The following CNKSR3 variants were observed in gnomAD, a reference collection of about 807,000 sequenced individuals.
CNKSR3 encodes connector enhancer of kinase suppressor of ras 3.
CNKSR3 carries 36 observed loss-of-function variants against 67.7 expected under a neutral mutation model. That is an observed-to-expected ratio of 0.53 (90% CI 0.41 to 0.70). CNKSR3 has a LOEUF of 0.70. Among genes scored for constraint, CNKSR3 ranks in the 30% least tolerant of loss-of-function variants. CNKSR3 has a pLI of 0.00. For missense variants in CNKSR3, 630 were observed against 695.2 expected, an observed-to-expected ratio of 0.91 and a Z score of 1.05; for synonymous variants, 281 against 271.4, an observed-to-expected ratio of 1.04 and a Z score of -0.35.
intron 1 of CNKSR3, among the ~76,000 whole-genome samples, chr6:154,500,287 A>ACACACACACACACT: frequency 6.6e-6 from 1 of 151,476 alleles, no homozygotes; most frequent in South Asian, 2.1e-4. Context: ...ACACACACAC[A>ACACACACACACACT]CATCCACTCC....
intron 1 of CNKSR3, among the ~76,000 whole-genome samples, chr6:154,506,398 T>C (rs951459001): frequency 2.0e-5 from 3 of 152,176 alleles, no homozygotes; most frequent in Non-Finnish European, 4.4e-5. Flanking sequence ...GCAACCAGCC[T>C]TCCCTGCTGC....
rs1354058003 is a variant in CNKSR3, at chr6:154,428,127, C to T, written c.729+1G>A. 2 of 1,593,452 alleles carry T rather than the reference C, an allele frequency of 1.3e-6. No individual in the cohort carries two copies. Among genetic ancestry groups the T allele is most frequent in the Non-Finnish European group, 1.7e-6 (2 of 1,161,372 alleles). On this transcript the variant is annotated splice_donor_variant, in intron 7 of 12. Coordinates refer to ENST00000607772, the MANE Select transcript of CNKSR3 (RefSeq NM_173515.4). LOFTEE classifies it high-confidence loss of function. The stretch of plus-strand genomic sequence containing the variant: ...TTTACACTTAATGAATATACACTTA[C>T]ATTTTCTGTGGTTCCAGTAATCACG...
chr6:154,457,858 C>T (rs571447879), intron 1 of CNKSR3, among the ~76,000 whole-genome samples: 75 of 152,302 alleles, frequency 4.9e-4, no homozygotes, highest in African/African-American at 1.7e-3. Context: ...CTTTGGGACC[C>T]GTCCTCTTCC....
At chr6:154,450,363 T>C in intron 1 of CNKSR3, 105 bp from the exon 2 acceptor site, 1 of 1,151,166 alleles carries the variant, frequency 8.7e-7, no homozygotes, top group South Asian at 1.5e-5. Flanking sequence ...ACAATTATGA[T>C]GCCACTATCT....
At chr6:154,457,866 TC>T (rs1785992201) in intron 1 of CNKSR3, among the ~76,000 whole-genome samples, 1 of 152,132 alleles carries the variant, frequency 6.6e-6, no homozygotes, top group South Asian at 2.1e-4. Flanking sequence ...CCCGTCCTCT[TC>T]CAAACCTCCC....
At chr6:154,463,395 T>C (rs1786125730) in intron 1 of CNKSR3, among the ~76,000 whole-genome samples, 2 of 151,924 alleles carry the variant, frequency 1.3e-5, no homozygotes, top group South Asian at 4.2e-4. Context: ...CATATATACA[T>C]CACCAAATAT....
rs1787094237 is a variant in CNKSR3, at chr6:154,505,956, A to C, written c.52+4107T>G. Among the ~76,000 whole-genome samples the C allele has an allele frequency of 2.0e-5, 3 of 152,228 alleles. No individual in the cohort carries two copies. In the South Asian group the frequency reaches 6.2e-4, roughly 31 times the overall value. ...AAACGACTTGTGGTAGCTGCATTTG[A>C]CAATGAAATTTCTCATATTTAAATC... On this transcript the variant is annotated intron_variant, in intron 1 of 12. Coordinates refer to ENST00000607772, the MANE Select transcript of CNKSR3 (RefSeq NM_173515.4).
Position 154,414,310 on chromosome 6 carries a change from G to A in CNKSR3, c.1059C>T (p.Pro353=). The A allele has an allele frequency of 6.2e-7, 1 of 1,602,068 alleles. No homozygotes were observed. The part of the protein sequence containing the change: ...DLYIPPPPAV[P]YSPRDENGSF... Reference sequence around the variant, plus strand: ...GGACAGCAACATACCGGGGAGAGTAGGGAACAGCAGGCGGAGGAGGAATAT... The same window carrying A: ...GGACAGCAACATACCGGGGAGAGTAAGGAACAGCAGGCGGAGGAGGAATAT... Residue 353 remains proline (P), a synonymous_variant, in exon 10 of 13, where the codon CCC becomes CCT. Transcript: ENST00000607772.
At chr6:154,498,567 T>C (rs1786922880) in intron 1 of CNKSR3, among the ~76,000 whole-genome samples, 1 of 152,190 alleles carries the variant, frequency 6.6e-6, no homozygotes, top group Non-Finnish European at 1.5e-5. Flanking sequence ...CACTGCAACT[T>C]CTGACATTGC....
chr6:154,463,123 T>C (rs1465787864), intron 1 of CNKSR3, among the ~76,000 whole-genome samples: 7 of 151,464 alleles, frequency 4.6e-5, no homozygotes, highest in Admixed American at 2.0e-4. Context: ...CTTTTTTTTT[T>C]TTTTTTGAGA....
intron 6 of CNKSR3, 137 bp from the exon 7 acceptor site, chr6:154,428,324 G>A: frequency 1.6e-6 from 1 of 639,440 alleles, no homozygotes; most frequent in Non-Finnish European, 2.8e-6. Flanking sequence ...GAAACATCGA[G>A]AAACAAGATC....
intron 12 of CNKSR3, among the ~76,000 whole-genome samples, chr6:154,409,411 T>G (rs1375734362): frequency 1.3e-5 from 2 of 152,322 alleles, no homozygotes; most frequent in African/African-American, 4.8e-5. Context: ...CCAGGGACTT[T>G]GATTACAGGG....
At chr6:154,480,969 G>C (rs1786554538) in intron 1 of CNKSR3, among the ~76,000 whole-genome samples, 1 of 151,392 alleles carries the variant, frequency 6.6e-6, no homozygotes, top group African/African-American at 2.4e-5. Context: ...ATATTTATTT[G>C]GCTTATTTAT....
chr6:154,506,378 A>C (rs1024829729), intron 1 of CNKSR3, among the ~76,000 whole-genome samples: 14 of 152,206 alleles, frequency 9.2e-5, no homozygotes, highest in Admixed American at 8.5e-4. Flanking sequence ...GGAAAAAGAA[A>C]GAAATTACAG....
intron 5 of CNKSR3, among the ~76,000 whole-genome samples, chr6:154,431,618 T>A (rs992743818): frequency 4.6e-5 from 7 of 152,100 alleles, no homozygotes; most frequent in African/African-American, 1.7e-4. Flanking sequence ...TAGGATAGTT[T>A]CAGTGTCCTA....
chr6:154,417,685 C>T (rs1244790544), intron 9 of CNKSR3, among the ~76,000 whole-genome samples: 1 of 152,032 alleles, frequency 6.6e-6, no homozygotes, highest in Non-Finnish European at 1.5e-5. Flanking sequence ...AGGGTGGGCT[C>T]AATCTGACAT....
Position 154,396,534 on chromosome 6 carries a change from A to G in CNKSR3, c.*9820T>C, listed in dbSNP as rs1489646552. The G allele has an allele frequency of 1.3e-5, 2 of 152,204 alleles. No homozygotes were observed. The highest frequency in any genetic ancestry group is 2.9e-5 in the Non-Finnish European group (2 of 68,038). 9.4% of individuals were successfully genotyped at this position (152,204 alleles called of 1,614,324 possible). On this transcript the variant is annotated 3_prime_UTR_variant, in exon 13 of 13. Transcript: ENST00000607772. ...TATTTTCTCTGCCTACAGAGCAAAT[A>G]TAAGGGTAAATTATACAGACCCTGC... is the stretch of plus-strand genomic sequence containing the variant.
chr6:154,433,594 G>C (rs1050248394), intron 4 of CNKSR3, 87 bp from the exon 5 acceptor site: 1 of 1,024,420 alleles, frequency 9.8e-7, no homozygotes, highest in Non-Finnish European at 1.5e-6. Flanking sequence ...GACATTTTCT[G>C]CAGCTCAAGA....
intron 1 of CNKSR3, among the ~76,000 whole-genome samples, chr6:154,502,340 C>T (rs1302301763): frequency 6.6e-6 from 1 of 151,604 alleles, no homozygotes; most frequent in Admixed American, 6.6e-5. Flanking sequence ...TACAGGTGCC[C>T]ACCACCATGC....
Sources: gnomAD v4.1 joint callset for allele counts (sites outside exome capture counted in the v4.1 genomes callset) on GRCh38, gnomAD v4.1.1 for gene constraint, MANE v1.5 for transcripts, NCBI Gene and HGNC (gene_info 2026-07-23, HGNC 2026-07-21) for gene names.